Variants in AMMECR1 observed in about 807,000 individuals in gnomAD.
AMMECR1 encodes the protein nuclear protein AMMECR1.
AMMECR1 carries 3 observed loss-of-function variants against 22.5 expected under a neutral mutation model. The ratio of observed to expected loss-of-function variants is 0.13; its 90% CI spans 0.06 to 0.35. The LOEUF (loss-of-function observed/expected upper bound fraction) is 0.35. Among genes scored for constraint, AMMECR1 ranks in the 10% least tolerant of loss-of-function variants. The pLI, the probability that AMMECR1 is intolerant of heterozygous loss-of-function variation, is 1.00. For synonymous variants in AMMECR1, 130 were observed against 116.7 expected (o/e 1.11, Z -0.74); for missense variants, 235 against 278.7 (o/e 0.84, Z 1.12).
intron 2 of AMMECR1, among the ~76,000 whole-genome samples, chrX:110,238,297 T>C (rs1337695583): frequency 8.9e-6 from 1 of 112,668 alleles, no homozygotes; most frequent in East Asian, 2.8e-4. Flanking sequence ...TTGGTGTTGC[T>C]AGATCCTCAC....
intron 2 of AMMECR1, among the ~76,000 whole-genome samples, chrX:110,424,587 G>A (rs1190298637): frequency 8.9e-6 from 1 of 112,131 alleles, no homozygotes; most frequent in Admixed American, 9.4e-5. Context: ...TATTAGATAA[G>A]CAACCTATGG....
chrX:110,339,401 TAA>T (rs10664998), intron 2 of AMMECR1, among the ~76,000 whole-genome samples: 5,364 of 48,800 alleles, frequency 0.11, 209 homozygotes, highest in African/African-American at 0.19. Flanking sequence ...TGGTTTGTTG[TAA>T]AAAAAAAAAA....
At chrX:110,291,537 T>A (rs1421295804) in intron 1 of AMMECR1, among the ~76,000 whole-genome samples, 2 of 110,154 alleles carry the variant, frequency 1.8e-5, no homozygotes, top group Admixed American at 1.9e-4. Flanking sequence ...ATAATAATAA[T>A]AACACAAAAT....
chrX:110,392,116 T>C (rs2068498066), intron 2 of AMMECR1, among the ~76,000 whole-genome samples: 1 of 112,054 alleles, frequency 8.9e-6, no homozygotes, highest in Non-Finnish European at 1.9e-5. Flanking sequence ...TAAATTCATA[T>C]TGATTTGACA....
At chrX:110,303,212 A>G (rs181130720) in intron 1 of AMMECR1, among the ~76,000 whole-genome samples, 63 of 111,773 alleles carry the variant, frequency 5.6e-4, no homozygotes, top group Non-Finnish European at 1.1e-3. Context: ...TTCTATGTGT[A>G]GCCCAATGGA....
At chrX:110,394,327 T>C (rs958731354) in intron 2 of AMMECR1, among the ~76,000 whole-genome samples, 1 of 111,592 alleles carries the variant, frequency 9.0e-6, no homozygotes, top group African/African-American at 3.3e-5. Flanking sequence ...CACGGCTCAC[T>C]GCAGCCTCAA....
chrX:110,250,326 G>T (rs1018490815), intron 2 of AMMECR1, among the ~76,000 whole-genome samples: 7 of 111,822 alleles, frequency 6.3e-5, no homozygotes, highest in African/African-American at 2.3e-4. Context: ...ATCACTAAAA[G>T]ATCTAGCACC....
chrX:110,359,353 T>C (rs1220081387), intron 2 of AMMECR1, among the ~76,000 whole-genome samples: 1 of 111,934 alleles, frequency 8.9e-6, no homozygotes, highest in East Asian at 2.8e-4. Flanking sequence ...GAGCTCATTC[T>C]TTATCTTCCA....
chrX:110,237,225 T>C (rs1276984053), intron 2 of AMMECR1, among the ~76,000 whole-genome samples: 1 of 111,262 alleles, frequency 9.0e-6, no homozygotes, highest in East Asian at 2.8e-4. Context: ...AAAAGAAACA[T>C]AAGATAACGG....
At chrX:110,324,020 T>C (rs1369016197) in intron 2 of AMMECR1, among the ~76,000 whole-genome samples, 1 of 109,249 alleles carries the variant, frequency 9.2e-6, no homozygotes, top group Non-Finnish European at 1.9e-5. Flanking sequence ...TTTTTTTTTT[T>C]TGAGATGGAG....
Position 110,200,967 on chromosome X carries a change from T to G in AMMECR1, c.874A>C (p.Ile292Leu). 1 of 1,206,498 alleles carries G rather than the reference T, an allele frequency of 8.3e-7. No individual in the cohort carries two copies. Among genetic ancestry groups the G allele is most frequent in the Non-Finnish European group, 1.1e-6 (1 of 890,955 alleles). ...TGTCTTCTGTACCTGGTCAGTTTTA[T>G]GGTTTTCCTGAATTCATTAGTAATC... ...APITNEFRKT[I>L]KLTRYRSEKM... The change falls in exon 5 of 6, where the codon ATA becomes CTA. Residue 292 changes from isoleucine to leucine, a missense_variant. Around this residue, in one of 2 missense-constraint regions of AMMECR1, gnomAD observed 111 missense variants for 181.7 expected, o/e 0.61. Coordinates refer to ENST00000262844, the MANE Select transcript of AMMECR1 (RefSeq NM_015365.3).
intron 2 of AMMECR1, among the ~76,000 whole-genome samples, chrX:110,406,131 A>G (rs2068599720): frequency 9.2e-6 from 1 of 108,631 alleles, no homozygotes; most frequent in Non-Finnish European, 1.9e-5. Context: ...TTTTTTCTTC[A>G]AGTTCTGTGT....
intron 2 of AMMECR1, among the ~76,000 whole-genome samples, chrX:110,405,639 G>A (rs1158705335): frequency 8.9e-6 from 1 of 111,860 alleles, no homozygotes; most frequent in East Asian, 2.8e-4. Flanking sequence ...CATTAACTGT[G>A]TGGTAGGCTC....
At chrX:110,232,562 C>G (rs1218818515) in intron 2 of AMMECR1, among the ~76,000 whole-genome samples, 3 of 111,294 alleles carry the variant, frequency 2.7e-5, no homozygotes, top group Non-Finnish European at 5.7e-5. Context: ...CAAGAGAAAG[C>G]AGGAAAGATC....
At chrX:110,232,783 G>T in intron 2 of AMMECR1, among the ~76,000 whole-genome samples, 1 of 106,184 alleles carries the variant, frequency 9.4e-6, no homozygotes. Context: ...CCAGCTACTT[G>T]GGAGGCTGAG....
chrX:110,257,792 G>A (rs2067718322), intron 2 of AMMECR1, among the ~76,000 whole-genome samples: 1 of 111,241 alleles, frequency 9.0e-6, no homozygotes, highest in Non-Finnish European at 1.9e-5. Flanking sequence ...TTTCTACCTA[G>A]GACTACAATT....
At chrX:110,279,975 G>A (rs2067844608) in intron 1 of AMMECR1, among the ~76,000 whole-genome samples, 1 of 111,735 alleles carries the variant, frequency 8.9e-6, no homozygotes, top group East Asian at 2.8e-4. Flanking sequence ...AAATTATCAT[G>A]AAAATATGTA....
At chrX:110,405,059 G>A (rs1255009947) in intron 2 of AMMECR1, among the ~76,000 whole-genome samples, 4 of 101,727 alleles carry the variant, frequency 3.9e-5, no homozygotes, top group African/African-American at 7.6e-5. Flanking sequence ...AGTTAAATTC[G>A]AAAAATATAT....
chrX:110,387,692 G>A (rs1030850333), intron 2 of AMMECR1, among the ~76,000 whole-genome samples: 1 of 111,411 alleles, frequency 9.0e-6, no homozygotes, highest in South Asian at 3.8e-4. Context: ...TTAACTGGAA[G>A]AGGGAGGGCT....
Sources: allele counts gnomAD v4.1 joint callset (sites outside exome capture counted in the v4.1 genomes callset), GRCh38; gene constraint gnomAD v4.1.1; regional missense constraint gnomAD v4.1.1; transcripts MANE v1.5; gene names NCBI Gene and HGNC (gene_info 2026-07-23, HGNC 2026-07-21).